The following SPRY3 variants were observed in gnomAD, a reference collection of about 807,000 sequenced individuals.
The protein encoded by SPRY3 is protein sprouty homolog 3.
In SPRY3, 15 loss-of-function variants were observed where a neutral mutation model predicts 20.2. The ratio of observed to expected loss-of-function variants is 0.74; its 90% CI spans 0.50 to 1.14. The LOEUF is 1.14. Ranked by LOEUF, SPRY3 falls within the 50% of genes most tolerant of loss-of-function variation. SPRY3 has a pLI of 0.00. For missense variants in SPRY3, 364 were observed against 363.9 expected (o/e 1.00, Z 0.00); for synonymous variants, 143 against 136.5 (o/e 1.05, Z -0.33).
chrX:155,753,459 A>G (rs2091272051), intron 2 of SPRY3, among the ~76,000 whole-genome samples: 1 of 151,952 alleles, frequency 6.6e-6, no homozygotes, highest in African/African-American at 2.4e-5. Flanking sequence ...ATTCCATTGT[A>G]TGGATAGGTC....
chrX:155,735,870 G>A (rs1162434083), intron 2 of SPRY3, among the ~76,000 whole-genome samples: 2 of 151,206 alleles, frequency 1.3e-5, no homozygotes, highest in Non-Finnish European at 3.0e-5. Context: ...TTTTTCCACC[G>A]GTTCTTTATC....
At chrX:155,669,159 C>A (rs1325941033) in intron 2 of SPRY3, among the ~76,000 whole-genome samples, 1 of 111,066 alleles carries the variant, frequency 9.0e-6, no homozygotes, top group African/African-American at 3.3e-5. Flanking sequence ...CTAAACCATT[C>A]AAGGTTACCA....
chrX:155,635,688 G>T (rs1044166682), intron 1 of SPRY3, among the ~76,000 whole-genome samples: 19 of 111,826 alleles, frequency 1.7e-4, no homozygotes, highest in African/African-American at 6.2e-4. Flanking sequence ...AGATAGAATG[G>T]AGATCATTAA....
At chrX:155,617,758 A>T (rs782484914) in intron 1 of SPRY3, among the ~76,000 whole-genome samples, 12 of 112,320 alleles carry the variant, frequency 1.1e-4, no homozygotes, top group Non-Finnish European at 1.9e-4. Flanking sequence ...TACACTTATC[A>T]AAACAGTGTG....
chrX:155,674,870 G>C (rs2068054670), intron 2 of SPRY3, among the ~76,000 whole-genome samples: 1 of 111,365 alleles, frequency 9.0e-6, no homozygotes, highest in Non-Finnish European at 1.9e-5. Context: ...AACAAGGCAA[G>C]GACTACAGAT....
intron 2 of SPRY3, among the ~76,000 whole-genome samples, chrX:155,713,535 G>A (rs1342517603): frequency 6.6e-6 from 1 of 152,074 alleles, no homozygotes; most frequent in East Asian, 1.9e-4. Context: ...CTCCCTCCTT[G>A]CCTGTAAGGT....
At chrX:155,752,058 C>T (rs188274833) in intron 2 of SPRY3, among the ~76,000 whole-genome samples, 1 of 151,448 alleles carries the variant, frequency 6.6e-6, no homozygotes, top group East Asian at 1.9e-4. Flanking sequence ...TGAAAAAGGA[C>T]TTAAGTGTTC....
intron 2 of SPRY3, among the ~76,000 whole-genome samples, chrX:155,720,619 T>C (rs1438455009): frequency 1.3e-5 from 2 of 152,078 alleles, no homozygotes; most frequent in East Asian, 3.9e-4. Flanking sequence ...AGAGACTCTA[T>C]TTGAGAAAGT....
intron 2 of SPRY3, among the ~76,000 whole-genome samples, chrX:155,763,726 T>C (rs2091313470): frequency 6.6e-6 from 1 of 152,216 alleles, no homozygotes; most frequent in Non-Finnish European, 1.5e-5. Flanking sequence ...TATATGGTTA[T>C]TCATTTTCTG....
intron 2 of SPRY3, among the ~76,000 whole-genome samples, chrX:155,692,296 C>A (rs2068105548): frequency 9.0e-6 from 1 of 111,044 alleles, no homozygotes; most frequent in Non-Finnish European, 1.9e-5. Context: ...TGTTCTAGCA[C>A]TATTTGATGA....
At chrX:155,733,126 T>C (rs1330394311) in intron 2 of SPRY3, among the ~76,000 whole-genome samples, 1 of 151,950 alleles carries the variant, frequency 6.6e-6, no homozygotes, top group Non-Finnish European at 1.5e-5. Flanking sequence ...ATAATTTAGT[T>C]GTACATTTTA....
intron 1 of SPRY3, among the ~76,000 whole-genome samples, chrX:155,613,276 A>C (rs1426202079): frequency 9.0e-6 from 1 of 111,416 alleles, no homozygotes; most frequent in Non-Finnish European, 1.9e-5. Context: ...AGTTTATGGA[A>C]GTCATATACC....
intron 1 of SPRY3, among the ~76,000 whole-genome samples, chrX:155,630,061 G>A (rs1410279123): frequency 1.8e-5 from 2 of 111,877 alleles, no homozygotes; most frequent in Non-Finnish European, 3.8e-5. Flanking sequence ...TAAGCTGACA[G>A]CAACTTAACT....
intron 2 of SPRY3, among the ~76,000 whole-genome samples, chrX:155,746,934 A>G (rs1015906842): frequency 6.6e-6 from 1 of 151,778 alleles, no homozygotes; most frequent in African/African-American, 2.4e-5. Context: ...CTGTATTTCC[A>G]TTTACTCTTT....
chrX:155,757,962 G>A (rs1192370203), intron 2 of SPRY3, among the ~76,000 whole-genome samples: 1 of 152,066 alleles, frequency 6.6e-6, no homozygotes, highest in Admixed American at 6.6e-5. Context: ...AATGATTCAG[G>A]CCACAGTCAT....
rs771209994 is a variant in SPRY3 at position 155,774,168 on chromosome X, C to T, written c.297C>T (p.Leu99=). 2.4e-5 allele frequency: 38 copies of T among 1,613,872 alleles called. No homozygotes were observed. In the East Asian group the frequency reaches 8.0e-4, roughly 34 times the overall value. Residue 99 remains leucine (L), a synonymous_variant, in exon 4 of 4, where the codon CTC becomes CTT. Transcript: ENST00000675360. Reference sequence around the variant, plus strand: ...GCACCACTGCCTCTGATCAAAGGCTCTTGGCCAGCATTACACCCTCACCTT... The same window carrying T: ...GCACCACTGCCTCTGATCAAAGGCTTTTGGCCAGCATTACACCCTCACCTT...
At chrX:155,724,614 T>C (rs1392839882) in intron 2 of SPRY3, among the ~76,000 whole-genome samples, 3 of 152,190 alleles carry the variant, frequency 2.0e-5, no homozygotes, top group Non-Finnish European at 2.9e-5. Flanking sequence ...TTGTCTGTTA[T>C]TGGTGTATAA....
chrX:155,667,238 T>A (rs1188046484), intron 2 of SPRY3, among the ~76,000 whole-genome samples: 1 of 110,331 alleles, frequency 9.1e-6, no homozygotes, highest in Non-Finnish European at 1.9e-5. Flanking sequence ...AGGGATACAG[T>A]AGGAGGATGA....
intron 2 of SPRY3, among the ~76,000 whole-genome samples, chrX:155,677,138 G>A (rs1249697850): frequency 5.4e-5 from 6 of 111,766 alleles, no homozygotes; most frequent in Non-Finnish European, 1.1e-4. Context: ...AGAGTCATTT[G>A]CAAATGAACC....
Sources: allele counts gnomAD v4.1 joint callset (sites outside exome capture counted in the v4.1 genomes callset), GRCh38; gene constraint gnomAD v4.1.1; transcripts MANE v1.5; gene names NCBI Gene and HGNC (gene_info 2026-07-23, HGNC 2026-07-21).